NPAS3: variants seen among roughly 807,000 people sequenced by gnomAD.
The protein encoded by NPAS3 is neuronal PAS domain-containing protein 3.
In NPAS3, 14 loss-of-function variants were observed where a neutral mutation model predicts 73.1. The ratio of observed to expected loss-of-function variants is 0.19; its 90% confidence interval spans 0.13 to 0.30. The LOEUF is 0.30. NPAS3 is among the 10% of genes least tolerant of loss of function. The probability of loss-of-function intolerance (pLI) is 1.00; values close to 1 mark genes in which losing one functional copy is unlikely to be tolerated. For synonymous variants in NPAS3, 620 were observed against 541.5 expected, an observed-to-expected ratio of 1.14 and a Z score of -2.01; for missense variants, 1,096 against 1,250.0, an observed-to-expected ratio of 0.88 and a Z score of 1.86.
intron 4 of NPAS3, among the ~76,000 whole-genome samples, chr14:33,414,785 G>T (rs1028881279): frequency 6.6e-6 from 1 of 152,092 alleles, no homozygotes; most frequent in Non-Finnish European, 1.5e-5. Context: ...TGGTGGGTAG[G>T]GTGGTTTGAT....
chr14:33,792,387 C>T (rs1160512819), intron 9 of NPAS3, among the ~76,000 whole-genome samples: 2 of 151,974 alleles, frequency 1.3e-5, no homozygotes, highest in South Asian at 2.1e-4. Context: ...ACAACGGTCC[C>T]GTTAGTGTGC....
chr14:33,478,948 C>A (rs2051177673), intron 4 of NPAS3, among the ~76,000 whole-genome samples: 6 of 152,140 alleles, frequency 3.9e-5, no homozygotes, highest in Admixed American at 3.9e-4. Context: ...TCCTTAGACA[C>A]AATAACTTGT....
chr14:33,086,893 T>C (rs2042042864), intron 2 of NPAS3, among the ~76,000 whole-genome samples: 1 of 151,974 alleles, frequency 6.6e-6, no homozygotes, highest in Non-Finnish European at 1.5e-5. Flanking sequence ...TGCACAAGAT[T>C]CTGGCATTAC....
rs56204986 is a variant in NPAS3 at position 33,301,324 on chromosome 14, T to TATATATATATATATATATATATATATA, written c.386-65862_386-65861insATATATATATATATATATATATATATA. On this transcript the variant is annotated intron_variant, in intron 3 of 11. Coordinates refer to ENST00000356141, the Ensembl canonical transcript of NPAS3. Reference sequence around the variant, plus strand: ...TTTATCATTATATATATATATATATTTTTTTTTTTTAAATCTAGCTGTAAT... The same window carrying TATATATATATATATATATATATATATA: ...TTTATCATTATATATATATATATATTATATATATATATATATATATATATATATTTTTTTTTTAAATCTAGCTGTAAT... Among the ~76,000 whole-genome samples the TATATATATATATATATATATATATATA allele has an allele frequency of 7.6e-3, 570 of 75,142 alleles. 49 individuals carry two copies. The highest frequency in any genetic ancestry group is 0.013 in the Middle Eastern group (2 of 158). The allele number at this position is 75,142 out of a possible 152,430, so 49.3% of individuals were successfully genotyped here. A position where few individuals can be genotyped will look rare whatever the true frequency, so the allele number is the denominator to read the frequency against.
At chr14:33,484,032 T>C (rs760625040) in intron 4 of NPAS3, among the ~76,000 whole-genome samples, 1 of 152,232 alleles carries the variant, frequency 6.6e-6, no homozygotes, top group Non-Finnish European at 1.5e-5. Flanking sequence ...TTCTAGGCAC[T>C]AGGAGTACAG....
At position 33,777,708 on chromosome 14, in the gene NPAS3, A is replaced by T. The variant is rs533005330; in HGVS notation, c.1047-758A>T. ...TGTGTAAACCAGGCGGATTCCCCCAACACGGTTTCCAATTTGGGCTCTATT... is the reference window on the plus strand; with the variant it reads ...TGTGTAAACCAGGCGGATTCCCCCATCACGGTTTCCAATTTGGGCTCTATT... On this transcript the variant is annotated intron_variant, in intron 8 of 11. Transcript: ENST00000356141. 6.6e-5 allele frequency among the ~76,000 whole-genome samples: 10 copies of T among 152,332 alleles called. No homozygotes were observed. The East Asian group carries it at 1.9e-3, about 29-fold the overall frequency.
chr14:33,369,838 AC>A (rs1232194345), intron 4 of NPAS3, among the ~76,000 whole-genome samples: 3 of 152,248 alleles, frequency 2.0e-5, no homozygotes, highest in African/African-American at 4.8e-5. Context: ...TAGCAGGGAA[AC>A]TTTTGAGCCC....
At chr14:33,593,604 C>T (rs1345821759) in intron 5 of NPAS3, among the ~76,000 whole-genome samples, 1 of 152,178 alleles carries the variant, frequency 6.6e-6, no homozygotes, top group African/African-American at 2.4e-5. Flanking sequence ...CTCACAAGTC[C>T]TCACCTTTTC....
At chr14:33,270,866 C>G (rs1375443152) in intron 3 of NPAS3, among the ~76,000 whole-genome samples, 1 of 152,126 alleles carries the variant, frequency 6.6e-6, no homozygotes, top group Non-Finnish European at 1.5e-5. Context: ...GGATGGCAGG[C>G]AGAAGACAGG....
chr14:33,238,512 G>GA (rs1208326007), intron 3 of NPAS3, among the ~76,000 whole-genome samples: 1 of 151,884 alleles, frequency 6.6e-6, no homozygotes, highest in East Asian at 1.9e-4. Context: ...TGATACAGAG[G>GA]AAAAATACCT....
At chr14:33,665,302 G>A (rs901085448) in intron 5 of NPAS3, among the ~76,000 whole-genome samples, 29 of 151,688 alleles carry the variant, frequency 1.9e-4, no homozygotes, top group Admixed American at 2.0e-4. Flanking sequence ...CCAGGGGGTC[G>A]GGGGCTAGGG....
At chr14:33,678,591 TAGTGCAAAGCAGA>T (rs904287926) in intron 6 of NPAS3, among the ~76,000 whole-genome samples, 4 of 152,118 alleles carry the variant, frequency 2.6e-5, no homozygotes, top group Non-Finnish European at 5.9e-5. Flanking sequence ...ATATTCTGAT[TAGTGCAAAGCAGA>T]GGAACTGTCA....
intron 2 of NPAS3, among the ~76,000 whole-genome samples, chr14:33,199,443 G>A (rs898716483): frequency 6.6e-6 from 1 of 152,092 alleles, no homozygotes; most frequent in Admixed American, 6.5e-5. Context: ...TCAGTGACTC[G>A]GCATTCTGAA....
chr14:33,059,195 A>G (rs2040999341), intron 2 of NPAS3, among the ~76,000 whole-genome samples: 2 of 152,222 alleles, frequency 1.3e-5, no homozygotes, highest in Admixed American at 6.5e-5. Flanking sequence ...TGTTCCAACT[A>G]TAATTCTATG....
At chr14:32,979,104 A>T (rs1469108050) in intron 1 of NPAS3, among the ~76,000 whole-genome samples, 2 of 152,206 alleles carry the variant, frequency 1.3e-5, no homozygotes, top group Admixed American at 1.3e-4. Context: ...TCTTAAGAGG[A>T]TTAAATTGTA....
intron 1 of NPAS3, among the ~76,000 whole-genome samples, chr14:32,990,099 A>G (rs950424890): frequency 5.3e-5 from 8 of 152,298 alleles, no homozygotes; most frequent in Admixed American, 5.2e-4. Flanking sequence ...GGAATGTAGG[A>G]AAAGGAGCAA....
chr14:33,167,875 A>T (rs765639667), intron 2 of NPAS3, among the ~76,000 whole-genome samples: 2 of 152,224 alleles, frequency 1.3e-5, no homozygotes, highest in Non-Finnish European at 2.9e-5. Flanking sequence ...ACTTTACAAT[A>T]ACGAAAATCC....
At chr14:33,777,377 A>G (rs2138500634) in intron 8 of NPAS3, among the ~76,000 whole-genome samples, 1 of 152,300 alleles carries the variant, frequency 6.6e-6, no homozygotes, top group East Asian at 1.9e-4. Flanking sequence ...GAATTGCTAG[A>G]CACTGAGAAA....
intron 2 of NPAS3, among the ~76,000 whole-genome samples, chr14:33,212,919 G>A (rs1163955581): frequency 6.6e-6 from 1 of 152,092 alleles, no homozygotes; most frequent in Non-Finnish European, 1.5e-5. Context: ...ATTGTAAAAC[G>A]AGTCCCTGAT....
Sources: allele counts gnomAD v4.1 joint callset (sites outside exome capture counted in the v4.1 genomes callset), GRCh38; gene constraint gnomAD v4.1.1; transcripts MANE v1.5; gene names NCBI Gene and HGNC (gene_info 2026-07-23, HGNC 2026-07-21).